Variants in PEAK1 observed in about 807,000 individuals in gnomAD.
The protein encoded by PEAK1 is inactive tyrosine-protein kinase PEAK1.
In PEAK1, 54 loss-of-function variants were observed where a neutral mutation model predicts 124.7. That is an observed-to-expected ratio of 0.43 (90% CI 0.35 to 0.54). PEAK1 has a LOEUF of 0.54. PEAK1 is among the 20% of genes least tolerant of loss of function. The pLI, the probability that PEAK1 is intolerant of heterozygous loss-of-function variation, is 0.01. For synonymous variants in PEAK1, 719 were observed against 760.0 expected (o/e 0.95, Z 0.89); for missense variants, 2,046 against 2,134.5 (o/e 0.96, Z 0.82).
intron 2 of PEAK1, chr15:77,352,814 T>G: frequency 1.0e-6 from 1 of 985,040 alleles, no homozygotes; most frequent in Non-Finnish European, 1.2e-6. Context: ...AATTTGAAGA[T>G]AGATGTGCCA....
At chr15:77,165,201 T>C (rs2055994013) in intron 7 of PEAK1, among the ~76,000 whole-genome samples, 1 of 133,800 alleles carries the variant, frequency 7.5e-6, no homozygotes, top group African/African-American at 2.9e-5. Context: ...ACGCCTGGCC[T>C]TTTTTTTTTT....
At chr15:77,151,071 G>C (rs1268130155) in intron 8 of PEAK1, among the ~76,000 whole-genome samples, 31 of 152,004 alleles carry the variant, frequency 2.0e-4, no homozygotes, top group Admixed American at 1.7e-3. Flanking sequence ...AGTTCTAGAT[G>C]CCTGAGGCAT....
chr15:77,138,082 T>C (rs140015120), intron 8 of PEAK1, among the ~76,000 whole-genome samples: 1 of 152,196 alleles, frequency 6.6e-6, no homozygotes, highest in Non-Finnish European at 1.5e-5. Context: ...CCTTCCACCA[T>C]GATTGTGAGG....
chr15:77,153,819 T>A (rs2054878110), intron 8 of PEAK1, among the ~76,000 whole-genome samples: 1 of 152,206 alleles, frequency 6.6e-6, no homozygotes, highest in Admixed American at 6.5e-5. Flanking sequence ...TAATCCTGAG[T>A]TCTAGTTTGA....
At chr15:77,276,412 C>G (rs540745346) in intron 5 of PEAK1, among the ~76,000 whole-genome samples, 1 of 152,100 alleles carries the variant, frequency 6.6e-6, no homozygotes, top group African/African-American at 2.4e-5. Flanking sequence ...TTAAAAACCA[C>G]GGAAGCCAGA....
At chr15:77,210,157 A>T (rs910635679) in intron 6 of PEAK1, among the ~76,000 whole-genome samples, 33 of 152,304 alleles carry the variant, frequency 2.2e-4, no homozygotes, top group Middle Eastern at 3.4e-3. Flanking sequence ...CTATCCTTAT[A>T]TTTACTTCTT....
rs114585030 is a variant in PEAK1 at position 77,219,423 on chromosome 15, C to T, written c.-115+32944G>A. ...CAAGCAAATCAATGTAAAATAATCC[C>T]TTTATATGTATGAGCATAGTTAATT... On this transcript the variant is annotated intron_variant, in intron 6 of 9. Transcript: ENST00000682557. Among the ~76,000 whole-genome samples the T allele has an allele frequency of 6.3e-3, 960 of 152,162 alleles. 13 individuals carry two copies. Among genetic ancestry groups the T allele is most frequent in the African/African-American group, 0.022 (910 of 41,526 alleles).
intron 9 of PEAK1, among the ~76,000 whole-genome samples, chr15:77,129,742 A>C (rs1323888023): frequency 1.3e-5 from 2 of 151,898 alleles, no homozygotes; most frequent in Non-Finnish European, 2.9e-5. Context: ...CACCACGCCC[A>C]GTCTACCACT....
chr15:77,169,454 T>C (rs372511105), intron 7 of PEAK1, among the ~76,000 whole-genome samples: 2 of 152,344 alleles, frequency 1.3e-5, no homozygotes, highest in South Asian at 2.1e-4. Context: ...CCAAGTGTTA[T>C]TGGTTAAATA....
At chr15:77,130,759 A>C (rs1052924432) in intron 9 of PEAK1, among the ~76,000 whole-genome samples, 4 of 152,206 alleles carry the variant, frequency 2.6e-5, no homozygotes, top group Non-Finnish European at 5.9e-5. Context: ...TTTCATATGC[A>C]TTATCTCACT....
intron 6 of PEAK1, among the ~76,000 whole-genome samples, chr15:77,190,703 G>A (rs2057790631): frequency 6.6e-6 from 1 of 152,170 alleles, no homozygotes; most frequent in African/African-American, 2.4e-5. Context: ...GTTCTACCAA[G>A]TAAAGACCAA....
At chr15:77,415,295 C>G (rs1304170757) in intron 1 of PEAK1, among the ~76,000 whole-genome samples, 2 of 152,242 alleles carry the variant, frequency 1.3e-5, no homozygotes, top group African/African-American at 4.8e-5. Context: ...ACCTCTCTCT[C>G]CCTTACCTCC....
exon 7 of PEAK1, chr15:77,102,216 T>C (rs1303318110): frequency 1.3e-5 from 2 of 152,238 alleles, no homozygotes; most frequent in Admixed American, 1.3e-4. Context: ...CTTAAACATT[T>C]GGGTTCTTCT....
chr15:77,107,415 G>A (rs2050767014), downstream of PEAK1: 1 of 152,248 alleles, frequency 6.6e-6, no homozygotes, highest in South Asian at 2.1e-4. Flanking sequence ...TCTGGGGTAT[G>A]CCTTAAAAAC....
intron 7 of PEAK1, among the ~76,000 whole-genome samples, chr15:77,177,148 G>T (rs2056933754): frequency 6.6e-6 from 1 of 151,998 alleles, no homozygotes; most frequent in Non-Finnish European, 1.5e-5. Context: ...TAGACATGGG[G>T]TTTCACCATG....
intron 8 of PEAK1, among the ~76,000 whole-genome samples, chr15:77,154,505 T>C (rs1032096266): frequency 3.3e-5 from 5 of 152,242 alleles, no homozygotes; most frequent in Non-Finnish European, 7.3e-5. Flanking sequence ...AATATTGTTA[T>C]GTGTGAATTT....
chr15:77,248,505 G>A (rs765659300), intron 6 of PEAK1, among the ~76,000 whole-genome samples: 5 of 152,244 alleles, frequency 3.3e-5, no homozygotes, highest in Non-Finnish European at 7.3e-5. Context: ...TGAGGACAGA[G>A]ACCTCATGCA....
intron 1 of PEAK1, among the ~76,000 whole-genome samples, chr15:77,413,749 A>G (rs1429808571): frequency 6.6e-6 from 1 of 152,178 alleles, no homozygotes; most frequent in East Asian, 1.9e-4. Context: ...CTAATTTCTT[A>G]GCTTGATAAA....
chr15:77,114,509 A>C lies in PEAK1; in HGVS notation c.4888T>G (p.Phe1630Val). 1 of 1,614,008 alleles carries C rather than the reference A, an allele frequency of 6.2e-7. No individual in the cohort carries two copies. Among genetic ancestry groups the C allele is most frequent in the Non-Finnish European group, 8.5e-7 (1 of 1,179,972 alleles). Residue 1630 changes from phenylalanine (F) to valine (V), a missense_variant, in exon 10 of 10, where the codon TTC (phenylalanine) becomes GTC (valine). Phe to Val is a conservative substitution (Grantham distance 50, BLOSUM62 -1). Coordinates refer to ENST00000682557, the MANE Select transcript of PEAK1 (RefSeq NM_001385026.1). ...YTRADLPRIPFRSPYSRGLQQ... is the reference protein window; with the variant it reads ...YTRADLPRIPVRSPYSRGLQQ... ...AGACCCCGGGAGTAGGGGGAGCGGA[A>C]TGGGATGCGAGGCAGGTCTGCTCGT...
Sources: allele counts gnomAD v4.1 joint callset (sites outside exome capture counted in the v4.1 genomes callset), GRCh38; gene constraint gnomAD v4.1.1; transcripts MANE v1.5; gene names NCBI Gene and HGNC (gene_info 2026-07-23, HGNC 2026-07-21).